The following FAM124A variants were observed in gnomAD, a reference collection of about 807,000 sequenced individuals.
The protein encoded by FAM124A is family with sequence similarity 124 member A.
Under a neutral mutation model 24.5 loss-of-function variants are expected in FAM124A, and 23 were observed. The observed-to-expected ratio is 0.94, with a 90% CI of 0.68 to 1.33. FAM124A has a LOEUF of 1.33. Ranked by LOEUF, FAM124A falls within the 40% of genes most tolerant of loss-of-function variation. FAM124A has a pLI of 0.00. For synonymous variants in FAM124A, 287 were observed against 314.7 expected, an observed-to-expected ratio of 0.91 and a Z score of 0.93; for missense variants, 623 against 722.8, an observed-to-expected ratio of 0.86 and a Z score of 1.58.
rs377350913 is a variant in FAM124A at position 51,230,496 on chromosome 13, C to G, written c.69-852C>G. On this transcript the variant is annotated intron_variant, in intron 1 of 3. Transcript: ENST00000322475. Reference sequence around the variant, plus strand: ...CCCTAACTTCCATGGCAGAATAAATCCCTACGTGCTAAAGTGATTAATTTC... The same window carrying G: ...CCCTAACTTCCATGGCAGAATAAATGCCTACGTGCTAAAGTGATTAATTTC... 2.9e-4 allele frequency among the ~76,000 whole-genome samples: 44 copies of G among 152,248 alleles called. 1 individual carries two copies. In the South Asian group the frequency reaches 8.7e-3, roughly 30 times the overall value.
intron 3 of FAM124A, among the ~76,000 whole-genome samples, chr13:51,253,733 T>C (rs1954649002): frequency 6.6e-6 from 1 of 152,184 alleles, no homozygotes; most frequent in South Asian, 2.1e-4. Context: ...TGGGCTCTGC[T>C]CAAAGGCACC....
intron 3 of FAM124A, among the ~76,000 whole-genome samples, chr13:51,263,457 G>A (rs1490100673): frequency 1.3e-5 from 2 of 152,260 alleles, no homozygotes; most frequent in Admixed American, 6.5e-5. Context: ...TGGCTGGAGA[G>A]TGATGGGATT....
rs1954624394 is a variant in FAM124A, at chr13:51,251,708, A to G, written c.341A>G (p.Glu114Gly). ...VLFLQEEYGE[E>G]QILQLHRTLQ... Reference sequence around the variant, plus strand: ...TTCCTGCAGGAGGAGTACGGCGAAGAGCAGATCCTGCAGCTGCACCGCACA... The same window carrying G: ...TTCCTGCAGGAGGAGTACGGCGAAGGGCAGATCCTGCAGCTGCACCGCACA... Residue 114 changes from glutamate to glycine, a missense_variant, in exon 3 of 4, where the codon GAG becomes GGG. Coordinates refer to ENST00000322475, the MANE Select transcript of FAM124A (RefSeq NM_001242312.2). This position sits in a 1 kb window ranked among gnomAD's most constrained non-coding sequence, Gnocchi z 5.3. 6.3e-7 allele frequency: 1 copy of G among 1,588,184 alleles called. No homozygotes were observed. Among genetic ancestry groups the G allele is most frequent in the Non-Finnish European group, 8.6e-7 (1 of 1,168,754 alleles).
chr13:51,233,280 G>A (rs909010574), intron 2 of FAM124A, among the ~76,000 whole-genome samples: 6 of 152,028 alleles, frequency 3.9e-5, no homozygotes, highest in Admixed American at 1.3e-4. Flanking sequence ...GTTATAACAT[G>A]GCTGCCTCCA....
chr13:51,283,767 C>CAAAAAAAAAAAA lies in FAM124A; in HGVS notation c.*2528_*2539dup, dbSNP rs3045985. 3 of 34,698 alleles carry CAAAAAAAAAAAA rather than the reference C, an allele frequency of 8.6e-5. No individual in the cohort carries two copies. Among genetic ancestry groups the CAAAAAAAAAAAA allele is most frequent in the African/African-American group, 3.0e-4 (3 of 10,116 alleles). 2.1% of individuals were successfully genotyped at this position (34,698 alleles called of 1,614,324 possible). ...TCATCAGTAACAAAAGTCAGTGAGG[C>CAAAAAAAAAAAA]AAAAAAAAAAAAAAAAAAAAAAAAA... On this transcript the variant is annotated 3_prime_UTR_variant, in exon 4 of 4. Coordinates refer to ENST00000322475, the MANE Select transcript of FAM124A (RefSeq NM_001242312.2).
chr13:51,267,060 C>T (rs918124896), intron 3 of FAM124A, among the ~76,000 whole-genome samples: 1 of 152,094 alleles, frequency 6.6e-6, no homozygotes, highest in Non-Finnish European at 1.5e-5. Flanking sequence ...ATTAGGAGAG[C>T]CGATGGGGGA....
chr13:51,280,194 A>G (rs1426276136), intron 3 of FAM124A, among the ~76,000 whole-genome samples: 4 of 152,284 alleles, frequency 2.6e-5, no homozygotes, highest in East Asian at 3.9e-4. Flanking sequence ...TGTGCTTTAA[A>G]AAGTATTCTG....
intron 3 of FAM124A, among the ~76,000 whole-genome samples, chr13:51,270,486 T>C (rs560394789): frequency 6.6e-6 from 1 of 152,330 alleles, no homozygotes; most frequent in African/African-American, 2.4e-5. Context: ...CGCAGAATTC[T>C]GGCCAGGAGA....
Position 51,282,459 on chromosome 13 carries a change from T to C in FAM124A, c.*1203T>C, listed in dbSNP as rs1396698922. 1 of 152,232 alleles carries C rather than the reference T, an allele frequency of 6.6e-6. No individual in the cohort carries two copies. Among genetic ancestry groups the C allele is most frequent in the Admixed American group, 6.5e-5 (1 of 15,288 alleles). 9.4% of individuals were successfully genotyped at this position (152,232 alleles called of 1,614,324 possible). On this transcript the variant is annotated 3_prime_UTR_variant, in exon 4 of 4. Transcript: ENST00000322475. ...TCACACCGTGAATGGTATTTGAATC[T>C]CACCTCCCTCTCACCTCAGTAAGAG...
chr13:51,253,774 T>G lies in FAM124A; in HGVS notation c.834+1573T>G, dbSNP rs140864014. Among the ~76,000 whole-genome samples, 808 of 152,312 alleles carry G rather than the reference T, an allele frequency of 5.3e-3. 6 individuals carry two copies. Among genetic ancestry groups the G allele is most frequent in the African/African-American group, 0.018 (766 of 41,566 alleles). ...AAGAATATTTCAAGGAAGATCCACA[T>G]ATTTAAATGGCTATAAACTCTATAC... On this transcript the variant is annotated intron_variant, in intron 3 of 3. Transcript: ENST00000322475.
chr13:51,231,674 T>G (rs1447813428), intron 2 of FAM124A, among the ~76,000 whole-genome samples: 31 of 152,184 alleles, frequency 2.0e-4, no homozygotes, highest in Admixed American at 2.0e-3. Context: ...AACAAACATC[T>G]ATCAGATACC....
intron 2 of FAM124A, among the ~76,000 whole-genome samples, chr13:51,240,625 G>A (rs917586098): frequency 2.6e-5 from 4 of 152,156 alleles, no homozygotes; most frequent in African/African-American, 7.2e-5. Flanking sequence ...GTGATGAAGG[G>A]CTCGCCATCT....
At chr13:51,237,052 C>T (rs1954441500) in intron 2 of FAM124A, among the ~76,000 whole-genome samples, 1 of 152,180 alleles carries the variant, frequency 6.6e-6, no homozygotes, top group African/African-American at 2.4e-5. Context: ...CAAAAATCCA[C>T]CTCTTCCATC....
rs74087446 is a variant in FAM124A, at chr13:51,280,978, G to T, written c.1363G>T (p.Ala455Ser). Residue 455 changes from alanine (A) to serine (S), a missense_variant, in exon 4 of 4, where the codon GCA becomes TCA. Transcript: ENST00000322475. ...LPSERCSSHW[A>S]AHKDSREGPL... ...CTCCGAAAGATGCAGCAGCCACTGG[G>T]CAGCTCACAAGGATTCCAGGGAGGG... The T allele has an allele frequency of 3.4e-3, 5,411 of 1,614,040 alleles. 163 individuals carry two copies. In the African/African-American group the frequency reaches 0.065, roughly 19 times the overall value.
At chr13:51,256,751 C>T (rs1954679206) in intron 3 of FAM124A, among the ~76,000 whole-genome samples, 1 of 152,114 alleles carries the variant, frequency 6.6e-6, no homozygotes, top group Non-Finnish European at 1.5e-5. Flanking sequence ...TGGTTTTATC[C>T]ATTCACATTA....
rs948468046 is a variant in FAM124A at position 51,251,938 on chromosome 13, C to T, written c.571C>T (p.Gln191Ter). 13 of 1,614,216 alleles carry T rather than the reference C, an allele frequency of 8.1e-6. No homozygotes were observed. Among genetic ancestry groups the T allele is most frequent in the Non-Finnish European group, 1.1e-5 (13 of 1,180,024 alleles). ...DNYADSLRFY[Q>*]LILRRSPSQK... is the part of the protein sequence containing the mutation. ...CTATGCTGACAGCCTCAGGTTCTAC[C>T]AGCTGATTCTCCGGAGGAGCCCCAG... The change falls in exon 3 of 4, where the codon CAG (glutamine) becomes TAG (stop). Residue 191 changes from glutamine to a stop codon, truncating the protein, a stop_gained. Coordinates refer to ENST00000322475, the MANE Select transcript of FAM124A (RefSeq NM_001242312.2). LOFTEE classifies it high-confidence loss of function. The surrounding 1 kb of genome is among the most constrained non-coding windows in gnomAD (Gnocchi z 5.3).
chr13:51,230,702 A>G (rs566839230), intron 1 of FAM124A, among the ~76,000 whole-genome samples: 1 of 152,368 alleles, frequency 6.6e-6, no homozygotes, highest in South Asian at 2.1e-4. Flanking sequence ...CTGATTTCTC[A>G]GCATAGAAAC....
intron 3 of FAM124A, among the ~76,000 whole-genome samples, chr13:51,262,721 T>TTTA (rs1461024565): frequency 6.6e-6 from 1 of 152,144 alleles, no homozygotes; most frequent in Non-Finnish European, 1.5e-5. Context: ...CCCCTGGGAC[T>TTTA]TTATGTGAAG....
intron 2 of FAM124A, among the ~76,000 whole-genome samples, chr13:51,236,132 T>C (rs1019971539): frequency 2.0e-5 from 3 of 152,172 alleles, no homozygotes; most frequent in Non-Finnish European, 4.4e-5. Context: ...CAGCCCCAAC[T>C]AGGCACAGCT....
Sources: gnomAD v4.1 joint callset for allele counts (sites outside exome capture counted in the v4.1 genomes callset) on GRCh38, gnomAD v4.1.1 for gene constraint, Gnocchi (gnomAD v3.1) non-coding constraint, MANE v1.5 for transcripts, NCBI Gene and HGNC (gene_info 2026-07-23, HGNC 2026-07-21) for gene names.